Variants in RANBP2 observed in about 807,000 individuals in gnomAD.
RANBP2 encodes RAN binding protein 2, also known as E3 SUMO-protein ligase RanBP2.
In RANBP2, 57 loss-of-function variants were observed where a neutral mutation model predicts 303.6. That is an observed-to-expected ratio of 0.19 (90% confidence interval 0.15 to 0.23). The LOEUF (loss-of-function observed/expected upper bound fraction) is 0.23. RANBP2 is among the 10% of genes least tolerant of loss of function. The pLI, the probability that RANBP2 is intolerant of heterozygous loss-of-function variation, is 1.00. For missense variants in RANBP2, 3,138 were observed against 3,780.8 expected, an observed-to-expected ratio of 0.83 and a Z score of 4.46; for synonymous variants, 1,167 against 1,301.5, an observed-to-expected ratio of 0.90 and a Z score of 2.23.
chr2:109,510,512 G>A, the RANBP2 span, among the ~76,000 whole-genome samples: 1 of 152,216 alleles, frequency 6.6e-6, no homozygotes, highest in Non-Finnish European at 1.5e-5. Flanking sequence ...CCCCGAGGTA[G>A]CTCTTCTCAC....
At chr2:109,371,746 G>A in the RANBP2 span, 1 of 1,412,166 alleles carries the variant, frequency 7.1e-7, no homozygotes, top group South Asian at 1.2e-5. Context: ...CTACAGTGGG[G>A]TCACCTGACC....
the RANBP2 span, among the ~76,000 whole-genome samples, chr2:109,183,783 A>G: frequency 1.3e-5 from 2 of 152,250 alleles, no homozygotes; most frequent in African/African-American, 4.8e-5. Context: ...TACTCTTTAC[A>G]TATAAGGAGG....
At chr2:108,916,621 C>A in the RANBP2 span, among the ~76,000 whole-genome samples, 19 of 152,310 alleles carry the variant, frequency 1.2e-4, no homozygotes, top group African/African-American at 4.3e-4. Context: ...TGCCAGGCTG[C>A]AGGTGTAGGC....
At chr2:109,658,708 A>T in the RANBP2 span, among the ~76,000 whole-genome samples, 2 of 151,580 alleles carry the variant, frequency 1.3e-5, no homozygotes, top group Non-Finnish European at 2.9e-5. Flanking sequence ...GGGCCAGATC[A>T]CGAGGTCAGG....
the RANBP2 span, among the ~76,000 whole-genome samples, chr2:108,993,608 G>A: frequency 1.3e-5 from 2 of 152,128 alleles, no homozygotes; most frequent in Non-Finnish European, 2.9e-5. Context: ...TCAAGCTTGG[G>A]TGATCTGTCC....
the RANBP2 span, chr2:109,794,610 G>GCCTCGGCCCCGGCCCGGCC: frequency 5.3e-6 from 1 of 189,768 alleles, no homozygotes; most frequent in Non-Finnish European, 7.3e-6. Flanking sequence ...GGCGGCGGCG[G>GCCTCGGCCCCGGCCCGGCC]GGGGGGCGGC....
chr2:109,031,611 C>G, the RANBP2 span, among the ~76,000 whole-genome samples: 8 of 152,168 alleles, frequency 5.3e-5, no homozygotes, highest in African/African-American at 1.4e-4. Flanking sequence ...CAGTGAAGTT[C>G]TGCTGTGTGC....
the RANBP2 span, among the ~76,000 whole-genome samples, chr2:109,325,796 C>G: frequency 6.6e-6 from 1 of 152,212 alleles, no homozygotes; most frequent in Non-Finnish European, 1.5e-5. Context: ...GCTGCACCCT[C>G]CTTATTACTG....
At chr2:109,587,116 A>G in the RANBP2 span, among the ~76,000 whole-genome samples, 1 of 152,230 alleles carries the variant, frequency 6.6e-6, no homozygotes. Flanking sequence ...CAAATATGCT[A>G]AAGAATCTAC....
chr2:109,584,474 CAAAAAA>C, the RANBP2 span, among the ~76,000 whole-genome samples: 4 of 72,042 alleles, frequency 5.6e-5, no homozygotes, highest in African/African-American at 1.7e-4. Flanking sequence ...GACTCTGTCT[CAAAAAA>C]AAAAAAAAAA....
chr2:109,136,189 A>G, the RANBP2 span, among the ~76,000 whole-genome samples: 2 of 151,964 alleles, frequency 1.3e-5, no homozygotes, highest in Non-Finnish European at 2.9e-5. Flanking sequence ...TTTAATCTCT[A>G]TCTTTTACAG....
chr2:109,554,356 T>G, the RANBP2 span, among the ~76,000 whole-genome samples: 1 of 152,232 alleles, frequency 6.6e-6, no homozygotes, highest in African/African-American at 2.4e-5. Context: ...GTATACACAA[T>G]GTATACAATA....
At chr2:109,399,018 C>T in the RANBP2 span, 4 of 1,438,600 alleles carry the variant, frequency 2.8e-6, no homozygotes, top group African/African-American at 2.8e-5. Context: ...TTCAGTGTCC[C>T]CCGTTCCTCA....
chr2:109,004,279 G>A, the RANBP2 span, among the ~76,000 whole-genome samples: 101 of 152,276 alleles, frequency 6.6e-4, 1 homozygote, highest in East Asian at 0.018. Flanking sequence ...GGGAGTAAGG[G>A]AGCCTGAACT....
the RANBP2 span, among the ~76,000 whole-genome samples, chr2:109,139,621 A>G: frequency 6.6e-6 from 1 of 152,216 alleles, no homozygotes; most frequent in Non-Finnish European, 1.5e-5. Context: ...TCGGTTTGAC[A>G]AACTAAGCTT....
chr2:108,876,451 A>G, the RANBP2 span: 353,994 of 379,412 alleles, frequency 0.93, 165,287 homozygotes, highest in East Asian at 1. Context: ...AGGTAAGGTA[A>G]TACTAATATA....
the RANBP2 span, among the ~76,000 whole-genome samples, chr2:109,292,409 T>G: frequency 6.6e-6 from 1 of 152,210 alleles, no homozygotes; most frequent in African/African-American, 2.4e-5. Flanking sequence ...TAATGCTATG[T>G]TTAATTGGAA....
the RANBP2 span, among the ~76,000 whole-genome samples, chr2:108,843,515 C>G: frequency 6.6e-6 from 1 of 152,202 alleles, no homozygotes; most frequent in Admixed American, 6.5e-5. Flanking sequence ...TTTTGATTTC[C>G]TTTCAATTAC....
the RANBP2 span, among the ~76,000 whole-genome samples, chr2:109,347,175 A>C: frequency 1.3e-5 from 2 of 152,342 alleles, no homozygotes; most frequent in East Asian, 1.9e-4. Flanking sequence ...TACTTGCTAG[A>C]AGTCTGGCAG....
Sources: gnomAD v4.1 joint callset for allele counts (sites outside exome capture counted in the v4.1 genomes callset) on GRCh38, gnomAD v4.1.1 for gene constraint, MANE v1.5 for transcripts, NCBI Gene and HGNC (gene_info 2026-07-23, HGNC 2026-07-21) for gene names.